Variants in SLC25A35 observed in about 807,000 individuals in gnomAD.
SLC25A35 encodes solute carrier family 25, member 35.
A neutral mutation model predicts 30.5 loss-of-function variants in SLC25A35; 32 were observed. The ratio of observed to expected loss-of-function variants is 1.05; its 90% CI spans 0.79 to 1.41. SLC25A35 has a LOEUF of 1.41. Ranked by LOEUF, SLC25A35 falls within the 40% of genes most tolerant of loss-of-function variation. The pLI is 0.00. For missense variants in SLC25A35, 369 were observed against 388.0 expected (o/e 0.95, Z 0.41); for synonymous variants, 142 against 158.1 (o/e 0.90, Z 0.77).
At chr17:8,289,641 G>C (rs145334128), downstream of SLC25A35, 2 of 1,605,680 alleles carry the variant, frequency 1.2e-6, no homozygotes, top group African/African-American at 1.3e-5. Flanking sequence ...CAGGAGAATC[G>C]GGCTGGGAGG....
Position 8,290,156 on chromosome 17 carries a change from A to C in SLC25A35, c.*349T>G. ...AGACGCCTGGGAATTGGGTCTCTCG[A>C]TTCCCTTTGGTTTTGGAGGGAGGAG... On this transcript the variant is annotated 3_prime_UTR_variant, in exon 5 of 5. Transcript: ENST00000577745. 7.0e-7 allele frequency: 1 copy of C among 1,438,548 alleles called. No homozygotes were observed. Among genetic ancestry groups the C allele is most frequent in the African/African-American group, 1.4e-5 (1 of 69,778 alleles). The allele number at this position is 1,438,548 out of a possible 1,614,324, so 89.1% of individuals were successfully genotyped here. A position where few individuals can be genotyped will look rare whatever the true frequency, so the allele number is the denominator to read the frequency against.
In SLC25A35 at chr17:8,290,693, G is replaced by A. The variant is rs1990422423; in HGVS notation, c.730-15C>T. On this transcript the variant is annotated splice_polypyrimidine_tract_variant and intron_variant, in intron 4 of 4. Coordinates refer to ENST00000577745, the MANE Select transcript of SLC25A35 (RefSeq NM_001320870.2). ...TACATGAGGCCCTGAGAGTGTGTCA[G>A]AGAGGGAGGGAGAGCACAGAGAAGG... 2.5e-6 allele frequency: 4 copies of A among 1,596,424 alleles called. No individual in the cohort carries two copies. The highest frequency in any genetic ancestry group is 1.7e-4 in the Middle Eastern group (1 of 6,054).
Position 8,294,755 on chromosome 17 carries a change from T to C in SLC25A35, c.53A>G (p.Asn18Ser), listed in dbSNP as rs140651532. 30 of 1,613,114 alleles carry C rather than the reference T, an allele frequency of 1.9e-5. No homozygotes were observed. The highest frequency in any genetic ancestry group is 1.2e-4 in the Admixed American group (7 of 59,906). Residue 18 changes from asparagine (N) to serine (S), a missense_variant, in exon 1 of 5, where the codon AAT becomes AGT. Transcript: ENST00000577745. ...LAACGACVFTNPLEVVKTRMQ... is the reference protein window; with the variant it reads ...LAACGACVFTSPLEVVKTRMQ... The stretch of plus-strand genomic sequence containing the variant: ...CCTGGTCTTCACCACCTCCAGGGGA[T>C]TGGTGAATACACAGGCCCCGCAGGC...
chr17:8,291,283 C>A (rs1460249686), intron 3 of SLC25A35, 50 bp downstream of exon 3: 4 of 1,604,186 alleles, frequency 2.5e-6, no homozygotes, highest in South Asian at 2.2e-5. Context: ...GCAGCTTGCC[C>A]TCCCCTTCCC....
chr17:8,289,077 G>A (rs1262912024), downstream of SLC25A35: 2 of 1,613,240 alleles, frequency 1.2e-6, no homozygotes. Flanking sequence ...TGCGCGGTGA[G>A]GGAATGGCCC....
intron 1 of SLC25A35, 149 bp from the exon 2 acceptor site, chr17:8,292,737 G>C: frequency 1.4e-6 from 1 of 725,938 alleles, no homozygotes; most frequent in Non-Finnish European, 2.4e-6. Flanking sequence ...TAACAAACTG[G>C]TTAACAAAAA....
Position 8,291,399 on chromosome 17 carries a change from A to G in SLC25A35, c.528T>C (p.Val176=), listed in dbSNP as rs767477604. Residue 176 remains valine, a synonymous_variant, in exon 3 of 5, where the codon GTT becomes GTC. Transcript: ENST00000577745. The stretch of plus-strand genomic sequence containing the variant: ...ACAGCTGGGTGGAGGAACCGACGAT[A>G]ACTCGGGGCAGGCCGCCCAGAGCCC... ...WRGALGGLPR[V]IVGSSTQLCT... is the part of the protein sequence containing the mutation. The G allele has an allele frequency of 1.2e-6, 2 of 1,614,172 alleles. No individual in the cohort carries two copies. Among genetic ancestry groups the G allele is most frequent in the Admixed American group, 3.3e-5 (2 of 60,024 alleles).
chr17:8,289,029 C>G (rs786205827), downstream of SLC25A35: 4 of 1,614,080 alleles, frequency 2.5e-6, no homozygotes, highest in Non-Finnish European at 3.4e-6. Flanking sequence ...GATAGTGGAA[C>G]TTCTCGAGCT....
At chr17:8,288,853 C>T (rs750002081), downstream of SLC25A35, 6 of 1,614,216 alleles carry the variant, frequency 3.7e-6, no homozygotes, top group Non-Finnish European at 5.1e-6. Context: ...CCCATGGGGG[C>T]CATTGACGTA....
Position 8,290,204 on chromosome 17 carries a change from G to A in SLC25A35, c.*301C>T. On this transcript the variant is annotated 3_prime_UTR_variant, in exon 5 of 5. Coordinates refer to ENST00000577745, the MANE Select transcript of SLC25A35 (RefSeq NM_001320870.2). ...GAGTTTAAAACTGTGCATGGGAGCA[G>A]GAGGGACTCAAGGGTGGCAGTGGTG... 1 of 1,427,994 alleles carries A rather than the reference G, an allele frequency of 7.0e-7. No individual in the cohort carries two copies. Among genetic ancestry groups the A allele is most frequent in the Non-Finnish European group, 9.1e-7 (1 of 1,096,398 alleles). 88.5% of individuals were successfully genotyped at this position (1,427,994 alleles called of 1,614,324 possible).
intron 1 of SLC25A35, among the ~76,000 whole-genome samples, chr17:8,293,325 A>G (rs1990632216): frequency 6.6e-6 from 1 of 152,094 alleles, no homozygotes; most frequent in African/African-American, 2.4e-5. Context: ...CGTATGTTAA[A>G]TTCCTTATCC....
intron 1 of SLC25A35, among the ~76,000 whole-genome samples, chr17:8,293,915 C>CTTTTTTTTTTTTTTTT (rs3033784): frequency 7.6e-6 from 1 of 132,378 alleles, no homozygotes; most frequent in African/African-American, 2.9e-5. Flanking sequence ...AGCCCATAAT[C>CTTTTTTTTTTTTTTTT]TTTTTTTTTT....
At position 8,295,131 on chromosome 17, in the gene SLC25A35, G is replaced by T; in HGVS notation, c.-324C>A. The T allele has an allele frequency of 9.3e-7, 1 of 1,074,150 alleles. No homozygotes were observed. Among genetic ancestry groups the T allele is most frequent in the Non-Finnish European group, 1.1e-6 (1 of 886,606 alleles). The allele number at this position is 1,074,150 out of a possible 1,614,324, so 66.5% of individuals were successfully genotyped here. A position where few individuals can be genotyped will look rare whatever the true frequency, so the allele number is the denominator to read the frequency against. ...GGGATGGCTCAGGATGGCGGGCGACGGGAGCACGGGAGTAGAGGAGGGAAT... is the reference window on the plus strand; with the variant it reads ...GGGATGGCTCAGGATGGCGGGCGACTGGAGCACGGGAGTAGAGGAGGGAAT... On this transcript the variant is annotated 5_prime_UTR_variant, in exon 1 of 5. Transcript: ENST00000577745.
intron 3 of SLC25A35, 76 bp downstream of exon 3, chr17:8,291,257 C>T: frequency 6.4e-7 from 1 of 1,573,312 alleles, no homozygotes; most frequent in Non-Finnish European, 8.6e-7. Flanking sequence ...GGGCACCATC[C>T]CCTCCAGGGC....
At chr17:8,289,002 G>T (rs548428743), downstream of SLC25A35, 220 of 1,614,122 alleles carry the variant, frequency 1.4e-4, 3 homozygotes, top group South Asian at 2.3e-3. Context: ...CTGCCATCCC[G>T]TGACGGACCA....
At chr17:8,289,231 C>T (rs1008791126), downstream of SLC25A35, 1 of 1,612,132 alleles carries the variant, frequency 6.2e-7, no homozygotes, top group East Asian at 2.2e-5. Context: ...AGAGATGTCC[C>T]TTCCTGACCC....
rs759294801 is a variant in SLC25A35, at chr17:8,290,909, A to G, written c.662T>C (p.Leu221Ser). Reference protein sequence around the residue: ...AAMMSGIAVVLAMAPFDVACT... With the variant: ...AAMMSGIAVVSAMAPFDVACT... The stretch of plus-strand genomic sequence containing the variant: ...GGCCACATCAAAGGGTGCCATGGCC[A>G]AGACAACTGCAATGCCACTCATCAT... The change falls in exon 4 of 5, where the codon TTG becomes TCG. Residue 221 changes from leucine (L) to serine (S), a missense_variant. Transcript: ENST00000577745. 6 of 1,614,098 alleles carry G rather than the reference A, an allele frequency of 3.7e-6. No individual in the cohort carries two copies. Among genetic ancestry groups the G allele is most frequent in the Non-Finnish European group, 5.1e-6 (6 of 1,179,994 alleles).
At chr17:8,291,110 AAC>A in intron 3 of SLC25A35, 134 bp from the exon 4 acceptor site, 1 of 1,351,016 alleles carries the variant, frequency 7.4e-7, no homozygotes, top group Non-Finnish European at 1.0e-6. Flanking sequence ...ACAGTGCAAA[AAC>A]AGTGAGAAGG....
At chr17:8,291,209 C>A (rs991948031) in intron 3 of SLC25A35, 124 bp downstream of exon 3, 16 of 1,449,354 alleles carry the variant, frequency 1.1e-5, no homozygotes, top group Admixed American at 4.0e-5. Context: ...AAGAGTTGAC[C>A]TCCAAGCCCT....
Sources: gnomAD v4.1 joint callset for allele counts (sites outside exome capture counted in the v4.1 genomes callset) on GRCh38, gnomAD v4.1.1 for gene constraint, MANE v1.5 for transcripts, NCBI Gene and HGNC (gene_info 2026-07-23, HGNC 2026-07-21) for gene names.